Variants in WNK3 observed in about 807,000 individuals in gnomAD.
WNK3 encodes the protein serine/threonine-protein kinase WNK3.
In WNK3, 18 loss-of-function variants were observed where a neutral mutation model predicts 116.7. The observed-to-expected ratio is 0.15, with a 90% CI of 0.11 to 0.23. The LOEUF is 0.23. WNK3 is among the 10% of genes least tolerant of loss of function. The pLI, the probability that WNK3 is intolerant of heterozygous loss-of-function variation, is 1.00. For missense variants in WNK3, 993 were observed against 1,323.8 expected, an observed-to-expected ratio of 0.75 and a Z score of 3.88; for synonymous variants, 404 against 469.4, an observed-to-expected ratio of 0.86 and a Z score of 1.80.
chrX:54,275,167 T>C (rs2068428605), intron 10 of WNK3, among the ~76,000 whole-genome samples: 1 of 108,886 alleles, frequency 9.2e-6, no homozygotes, highest in African/African-American at 3.3e-5. Context: ...AATACAAAAA[T>C]TAGCCAGGTG....
At chrX:54,331,370 G>A (rs1315828256) in intron 2 of WNK3, among the ~76,000 whole-genome samples, 2 of 108,163 alleles carry the variant, frequency 1.8e-5, no homozygotes, top group African/African-American at 6.8e-5. Flanking sequence ...AAAGATATAT[G>A]TGTGTGTGTG....
At chrX:54,307,776 A>C in intron 5 of WNK3, 146 bp downstream of exon 5, 1 of 461,503 alleles carries the variant, frequency 2.2e-6, no homozygotes. Context: ...ATATGGTATA[A>C]ATCTAAGGCT....
At chrX:54,231,629 CT>C (rs2067899457) in intron 21 of WNK3, among the ~76,000 whole-genome samples, 1 of 111,795 alleles carries the variant, frequency 8.9e-6, no homozygotes, top group South Asian at 3.7e-4. Context: ...TTTAAAGATC[CT>C]AGTGATTTTA....
intron 2 of WNK3, among the ~76,000 whole-genome samples, chrX:54,322,981 A>T (rs1557172598): frequency 9.0e-6 from 1 of 111,606 alleles, no homozygotes; most frequent in African/African-American, 3.2e-5. Flanking sequence ...GTGAGAAAAA[A>T]ATCATTAGAA....
At chrX:54,240,497 G>T (rs1307259749) in intron 17 of WNK3, among the ~76,000 whole-genome samples, 6 of 111,508 alleles carry the variant, frequency 5.4e-5, no homozygotes, top group Non-Finnish European at 9.4e-5. Flanking sequence ...TTACAGAAAA[G>T]AATTTTAATA....
In WNK3 at chrX:54,198,655, TA is replaced by T. The variant is rs1557140968; in HGVS notation, c.5074-3del. 1 of 1,147,069 alleles carries T rather than the reference TA, an allele frequency of 8.7e-7. No homozygotes were observed. The highest frequency in any genetic ancestry group is 1.2e-6 in the Non-Finnish European group (1 of 859,278). The allele number at this position is 1,147,069 out of a possible 1,213,427, so 94.5% of individuals were successfully genotyped here. ...GTAGCCCATAGTAGACGGAGTATTCTAAGAAAAACAAAAATAAAAACAAAAG... is the reference window on the plus strand; with the variant it reads ...GTAGCCCATAGTAGACGGAGTATTCTAGAAAAACAAAAATAAAAACAAAAG... On this transcript the variant is annotated splice_polypyrimidine_tract_variant and splice_region_variant and intron_variant, in intron 23 of 23. Transcript: ENST00000354646.
chrX:54,318,660 C>A (rs1422364045), intron 2 of WNK3, among the ~76,000 whole-genome samples: 2 of 110,411 alleles, frequency 1.8e-5, no homozygotes, highest in African/African-American at 6.6e-5. Flanking sequence ...ATGGTCACGC[C>A]ACTGCACTCC....
At chrX:54,351,494 G>A (rs1378175035) in intron 1 of WNK3, among the ~76,000 whole-genome samples, 1 of 111,360 alleles carries the variant, frequency 9.0e-6, no homozygotes, top group African/African-American at 3.3e-5. Flanking sequence ...AAAAAGGCCA[G>A]GTGCGGTGGC....
intron 10 of WNK3, among the ~76,000 whole-genome samples, chrX:54,275,602 C>A (rs1442350058): frequency 1.8e-5 from 2 of 108,817 alleles, no homozygotes; most frequent in African/African-American, 3.4e-5. Context: ...TTCAAATAAC[C>A]CACAGGTGGG....
At chrX:54,250,204 C>T in intron 15 of WNK3, 73 bp from the exon 16 acceptor site, 13 of 1,002,028 alleles carry the variant, frequency 1.3e-5, no homozygotes, top group Non-Finnish European at 1.7e-5. Context: ...CTGAAGAAGC[C>T]AGGTTAAATA....
At chrX:54,221,900 T>C (rs980454633) in intron 22 of WNK3, among the ~76,000 whole-genome samples, 10 of 108,304 alleles carry the variant, frequency 9.2e-5, no homozygotes, top group African/African-American at 3.4e-4. Flanking sequence ...CTCACGCCTG[T>C]AATCCCAACA....
intron 10 of WNK3, among the ~76,000 whole-genome samples, chrX:54,278,722 T>C (rs1466808217): frequency 9.0e-6 from 1 of 111,461 alleles, no homozygotes; most frequent in Non-Finnish European, 1.9e-5. Flanking sequence ...AATCTAAATC[T>C]CAAAACCATA....
chrX:54,200,125 T>C (rs1422817381), intron 23 of WNK3, among the ~76,000 whole-genome samples: 2 of 112,562 alleles, frequency 1.8e-5, no homozygotes, highest in Non-Finnish European at 3.7e-5. Flanking sequence ...TTTCCTTGAC[T>C]TTCCTTTACT....
intron 20 of WNK3, among the ~76,000 whole-genome samples, chrX:54,234,973 G>A (rs1340644586): frequency 2.7e-5 from 3 of 111,823 alleles, no homozygotes; most frequent in African/African-American, 6.5e-5. Flanking sequence ...ATAAGTTGAC[G>A]TATACATAAT....
chrX:54,325,762 T>C (rs2069095876), intron 2 of WNK3, among the ~76,000 whole-genome samples: 1 of 108,817 alleles, frequency 9.2e-6, no homozygotes, highest in African/African-American at 3.3e-5. Flanking sequence ...GTGTAAGTAT[T>C]TTCCAACTCA....
At chrX:54,335,553 C>A (rs967140448) in intron 1 of WNK3, among the ~76,000 whole-genome samples, 1 of 111,276 alleles carries the variant, frequency 9.0e-6, no homozygotes, top group South Asian at 3.7e-4. Flanking sequence ...TGTTACGCAC[C>A]TCAAAGGGCG....
intron 2 of WNK3, among the ~76,000 whole-genome samples, chrX:54,327,151 T>A (rs1255203849): frequency 1.8e-5 from 2 of 112,405 alleles, no homozygotes; most frequent in African/African-American, 6.4e-5. Context: ...GTTTTCAACA[T>A]CCTCAAAGTC....
At chrX:54,258,515 G>C (rs1054768093) in intron 11 of WNK3, among the ~76,000 whole-genome samples, 2 of 107,813 alleles carry the variant, frequency 1.9e-5, no homozygotes, top group Admixed American at 1.0e-4. Context: ...TGTATTTTTA[G>C]TAGAGGCAGG....
intron 22 of WNK3, among the ~76,000 whole-genome samples, chrX:54,217,622 TA>T (rs1222488729): frequency 7.3e-4 from 75 of 102,450 alleles, no homozygotes; most frequent in Admixed American, 1.1e-3. Flanking sequence ...CTTGGTCTCT[TA>T]AAAAAAAAAA....
Sources: allele counts gnomAD v4.1 joint callset (sites outside exome capture counted in the v4.1 genomes callset), GRCh38; gene constraint gnomAD v4.1.1; transcripts MANE v1.5; gene names NCBI Gene and HGNC (gene_info 2026-07-23, HGNC 2026-07-21).